The following STAG1 variants were observed in gnomAD, a reference collection of about 807,000 sequenced individuals.
STAG1 encodes STAG1 cohesin complex component.
STAG1 carries 26 observed loss-of-function variants against 170.9 expected under a neutral mutation model. The observed-to-expected ratio is 0.15, with a 90% CI of 0.11 to 0.21. The LOEUF (loss-of-function observed/expected upper bound fraction) is 0.21. Ranked by LOEUF, STAG1 falls within the 10% of genes least tolerant of loss-of-function variation. STAG1 has a pLI of 1.00. For missense variants in STAG1, 964 were observed against 1,509.5 expected (o/e 0.64, Z 5.99); for synonymous variants, 514 against 497.7 (o/e 1.03, Z -0.44).
intron 1 of STAG1, among the ~76,000 whole-genome samples, chr3:136,737,612 C>T (rs1401046636): frequency 6.6e-6 from 1 of 152,178 alleles, no homozygotes; most frequent in Non-Finnish European, 1.5e-5. Flanking sequence ...CTCTTGCTTC[C>T]TGGCTTTCAG....
chr3:136,637,345 G>A lies in STAG1; in HGVS notation c.-83-6364C>T, dbSNP rs146015747. On this transcript the variant is annotated intron_variant, in intron 1 of 33. Transcript: ENST00000383202. ...AGGAAACATTAAGACTCAAGAAAGA[G>A]AGGAGTAATAAATCTTTTGAAAATA... Among the ~76,000 whole-genome samples the A allele has an allele frequency of 6.5e-3, 986 of 152,276 alleles. 12 individuals are homozygous for A. The highest frequency in any genetic ancestry group is 0.023 in the African/African-American group (937 of 41,556).
chr3:136,625,279 A>G (rs1473787770), intron 2 of STAG1, among the ~76,000 whole-genome samples: 5 of 152,204 alleles, frequency 3.3e-5, no homozygotes, highest in African/African-American at 9.6e-5. Context: ...CTCAACTGTT[A>G]GGTCTGCTCT....
intron 4 of STAG1, among the ~76,000 whole-genome samples, chr3:136,580,697 C>T (rs1312542440): frequency 2.7e-5 from 4 of 150,612 alleles, no homozygotes; most frequent in Admixed American, 1.3e-4. Flanking sequence ...CCGCGCCCGG[C>T]TAATTTTTTG....
At chr3:136,540,821 C>CAAAAA (rs1425631397) in intron 6 of STAG1, among the ~76,000 whole-genome samples, 3 of 11,196 alleles carry the variant, frequency 2.7e-4, no homozygotes, top group Non-Finnish European at 4.8e-4. Flanking sequence ...AACTGTGTCT[C>CAAAAA]CAAAAAAAAA....
At chr3:136,751,848 G>A (rs1355671427) in intron 1 of STAG1, among the ~76,000 whole-genome samples, 1 of 150,670 alleles carries the variant, frequency 6.6e-6, no homozygotes, top group Non-Finnish European at 1.5e-5. Flanking sequence ...GGGCCCGAGC[G>A]CGCCACAAAG....
At chr3:136,718,568 T>G (rs1933007040) in intron 1 of STAG1, among the ~76,000 whole-genome samples, 2 of 152,222 alleles carry the variant, frequency 1.3e-5, no homozygotes, top group Admixed American at 1.3e-4. Context: ...ATTCTTCTTC[T>G]ATGGTAACAG....
chr3:136,685,112 C>A (rs1347151943), intron 1 of STAG1, among the ~76,000 whole-genome samples: 1 of 152,018 alleles, frequency 6.6e-6, no homozygotes, highest in Non-Finnish European at 1.5e-5. Flanking sequence ...GTGAGGAGTT[C>A]GAGAACAGCC....
intron 14 of STAG1, among the ~76,000 whole-genome samples, chr3:136,444,122 G>T (rs1342121827): frequency 6.6e-6 from 1 of 151,176 alleles, no homozygotes; most frequent in South Asian, 2.1e-4. Context: ...CGCCCAAGCT[G>T]GAGGGCAGTG....
At chr3:136,428,787 T>C (rs980707915) in intron 16 of STAG1, among the ~76,000 whole-genome samples, 2 of 152,096 alleles carry the variant, frequency 1.3e-5, no homozygotes, top group African/African-American at 4.8e-5. Context: ...GGTTATAGTA[T>C]AAAATGTGGG....
chr3:136,476,317 G>C (rs1039949903), intron 10 of STAG1, among the ~76,000 whole-genome samples: 1 of 152,186 alleles, frequency 6.6e-6, no homozygotes, highest in East Asian at 1.9e-4. Flanking sequence ...GAGCAATGGA[G>C]ATGTGAAGAT....
chr3:136,625,044 AATTTAAT>A (rs2107833108), intron 2 of STAG1, among the ~76,000 whole-genome samples: 1 of 152,330 alleles, frequency 6.6e-6, no homozygotes, highest in East Asian at 1.9e-4. Flanking sequence ...AATTCCTAAA[AATTTAAT>A]ATTTAACTCT....
At chr3:136,477,981 G>A (rs1046017559) in intron 9 of STAG1, among the ~76,000 whole-genome samples, 1 of 151,852 alleles carries the variant, frequency 6.6e-6, no homozygotes, top group African/African-American at 2.4e-5. Flanking sequence ...GTAGAGATGG[G>A]GTTTCATCAT....
At chr3:136,690,601 G>C (rs1319810665) in intron 1 of STAG1, among the ~76,000 whole-genome samples, 1 of 152,110 alleles carries the variant, frequency 6.6e-6, no homozygotes, top group Admixed American at 6.6e-5. Flanking sequence ...TCTGCTATCT[G>C]TGTGTATATC....
chr3:136,734,891 T>C (rs1287881509), intron 1 of STAG1, among the ~76,000 whole-genome samples: 1 of 152,198 alleles, frequency 6.6e-6, no homozygotes, highest in Non-Finnish European at 1.5e-5. Context: ...GGACATTATG[T>C]TAAGTGAAAT....
At chr3:136,567,985 A>G (rs1257372603) in intron 5 of STAG1, among the ~76,000 whole-genome samples, 1 of 151,976 alleles carries the variant, frequency 6.6e-6, no homozygotes, top group Non-Finnish European at 1.5e-5. Flanking sequence ...GACTGCCTTG[A>G]TAACTTCTGT....
intron 9 of STAG1, 42 bp from the exon 10 acceptor site, chr3:136,477,454 A>G: frequency 6.5e-7 from 1 of 1,533,202 alleles, no homozygotes; most frequent in Non-Finnish European, 8.8e-7. Flanking sequence ...TAATATACAA[A>G]GCTAGAATGC....
intron 23 of STAG1, among the ~76,000 whole-genome samples, chr3:136,377,181 C>T (rs1399676794): frequency 8.1e-5 from 12 of 148,420 alleles, no homozygotes; most frequent in African/African-American, 2.4e-4. Flanking sequence ...GGGCTGATCA[C>T]GAGGTCAGGA....
chr3:136,635,205 T>C (rs796410922), intron 1 of STAG1, among the ~76,000 whole-genome samples: 20 of 152,300 alleles, frequency 1.3e-4, no homozygotes, highest in African/African-American at 4.8e-4. Context: ...TAAACATATA[T>C]GTGAAAATCC....
intron 7 of STAG1, among the ~76,000 whole-genome samples, chr3:136,515,654 C>T (rs1342614578): frequency 6.6e-6 from 1 of 151,610 alleles, no homozygotes; most frequent in Non-Finnish European, 1.5e-5. Context: ...AACTGGCTGC[C>T]AAAAGAAAGC....
Sources: allele counts gnomAD v4.1 joint callset (sites outside exome capture counted in the v4.1 genomes callset), GRCh38; gene constraint gnomAD v4.1.1; transcripts MANE v1.5; gene names NCBI Gene and HGNC (gene_info 2026-07-23, HGNC 2026-07-21).